Variants in GPHN observed in about 807,000 individuals in gnomAD.
GPHN encodes gephyrin.
GPHN carries 17 observed loss-of-function variants against 95.5 expected under a neutral mutation model. That is an observed-to-expected ratio of 0.18 (90% CI 0.12 to 0.27). The LOEUF is 0.27. Among genes scored for constraint, GPHN ranks in the 10% least tolerant of loss-of-function variants. GPHN has a pLI of 1.00. For synonymous variants in GPHN, 320 were observed against 322.5 expected (o/e 0.99, Z 0.08); for missense variants, 660 against 978.1 (o/e 0.67, Z 4.34).
chr14:66,651,430 C>A (rs2065037950), intron 1 of GPHN, among the ~76,000 whole-genome samples: 1 of 152,104 alleles, frequency 6.6e-6, no homozygotes, highest in Non-Finnish European at 1.5e-5. Flanking sequence ...CCAGGGCTGC[C>A]TTTCTCTCAG....
chr14:67,459,351 A>G, the GPHN span, among the ~76,000 whole-genome samples: 1 of 152,264 alleles, frequency 6.6e-6, no homozygotes, highest in South Asian at 2.1e-4. Flanking sequence ...TTGGTTTTTA[A>G]TGATTCACCC....
chr14:67,382,324 A>G, the GPHN span: 3 of 817,922 alleles, frequency 3.7e-6, no homozygotes, highest in South Asian at 5.6e-5. Context: ...ACTGTCCTGT[A>G]GAATTGGCAA....
At chr14:67,577,967 G>A in the GPHN span, 2 of 1,537,358 alleles carry the variant, frequency 1.3e-6, no homozygotes, top group South Asian at 2.4e-5. Context: ...AAGCCGTTGA[G>A]TTCTCTGAAC....
rs112353422 is a variant in GPHN at position 66,868,970 on chromosome 14, G to A, written c.295-10969G>A. 1.1e-4 allele frequency among the ~76,000 whole-genome samples: 17 copies of A among 152,126 alleles called. 1 individual carries two copies. In the East Asian group the frequency reaches 1.2e-3, roughly 10 times the overall value. ...TTTCATATTGGAAAAATATTTAGAC[G>A]TCAAAGATAAATATTTTATTTAAAA... On this transcript the variant is annotated intron_variant, in intron 4 of 22. Coordinates refer to ENST00000478722, the MANE Select transcript of GPHN (RefSeq NM_020806.5).
intron 18 of GPHN, among the ~76,000 whole-genome samples, chr14:67,152,637 ACTGGGCAG>A (rs1411936928): frequency 2.0e-5 from 3 of 152,302 alleles, no homozygotes; most frequent in African/African-American, 7.2e-5. Flanking sequence ...TTACATCTCC[ACTGGGCAG>A]AATTCATTTG....
the GPHN span, among the ~76,000 whole-genome samples, chr14:67,675,571 G>A: frequency 7.0e-6 from 1 of 142,262 alleles, no homozygotes; most frequent in African/African-American, 2.4e-5. Context: ...TTCTCCTCGT[G>A]GAGACTAATT....
chr14:67,531,023 C>CA, the GPHN span, among the ~76,000 whole-genome samples: 1 of 152,214 alleles, frequency 6.6e-6, no homozygotes, highest in Non-Finnish European at 1.5e-5. Flanking sequence ...AATGCCCTAG[C>CA]ATATCCTTCA....
chr14:66,966,481 T>G (rs2069336768), intron 9 of GPHN, among the ~76,000 whole-genome samples: 1 of 152,080 alleles, frequency 6.6e-6, no homozygotes, highest in South Asian at 2.1e-4. Context: ...TTGTAGACAT[T>G]AAATGTATGC....
chr14:67,729,418 T>G, the GPHN span: 2 of 1,576,642 alleles, frequency 1.3e-6, no homozygotes, highest in South Asian at 1.1e-5. Context: ...ACCACCTGTG[T>G]GCATGGGAGG....
the GPHN span, among the ~76,000 whole-genome samples, chr14:67,725,571 T>C: frequency 2.0e-5 from 3 of 152,206 alleles, no homozygotes; most frequent in African/African-American, 7.2e-5. Flanking sequence ...TGTGTGGCCA[T>C]AGGCATGAGA....
intron 4 of GPHN, among the ~76,000 whole-genome samples, chr14:66,826,440 A>T (rs751184706): frequency 2.6e-5 from 4 of 152,160 alleles, no homozygotes; most frequent in African/African-American, 9.7e-5. Flanking sequence ...ACCAGGAATT[A>T]GTACTAGACT....
At chr14:66,597,369 C>T (rs1413509549) in intron 1 of GPHN, among the ~76,000 whole-genome samples, 1 of 152,190 alleles carries the variant, frequency 6.6e-6, no homozygotes, top group African/African-American at 2.4e-5. Flanking sequence ...TTCACAAGAG[C>T]AAGCTGGGTT....
Position 66,821,535 on chromosome 14 carries a change from C to G in GPHN, c.202-2939C>G, listed in dbSNP as rs567640758. 2.4e-3 allele frequency among the ~76,000 whole-genome samples: 364 copies of G among 152,252 alleles called. 4 individuals are homozygous for G. The highest frequency in any genetic ancestry group is 8.3e-3 in the African/African-American group (343 of 41,550). On this transcript the variant is annotated intron_variant, in intron 3 of 22. Transcript: ENST00000478722. ...AGAGATACTGCCTTATTTATCTTTG[C>G]ATTGCTGTTCTCTAAGGAAGTACCT...
intron 4 of GPHN, among the ~76,000 whole-genome samples, chr14:66,847,867 C>T (rs2062402503): frequency 1.3e-5 from 2 of 151,950 alleles, no homozygotes; most frequent in African/African-American, 4.8e-5. Flanking sequence ...CCCTATTTGC[C>T]CTCCTACCAT....
chr14:66,659,676 T>A (rs1203592401), intron 1 of GPHN, among the ~76,000 whole-genome samples: 1 of 152,152 alleles, frequency 6.6e-6, no homozygotes, highest in Non-Finnish European at 1.5e-5. Context: ...GTATTGTGCC[T>A]CTCTGTCTCT....
chr14:66,698,624 A>T (rs2068281780), intron 2 of GPHN, among the ~76,000 whole-genome samples: 1 of 152,214 alleles, frequency 6.6e-6, no homozygotes. Context: ...ACACAGTCTT[A>T]CTCATTCACC....
intron 2 of GPHN, among the ~76,000 whole-genome samples, chr14:66,742,281 T>TA (rs919286521): frequency 1.4e-3 from 208 of 152,300 alleles, no homozygotes; most frequent in African/African-American, 4.9e-3. Context: ...TGTTAATTGT[T>TA]ACACTATTTT....
chr14:67,478,963 G>A, the GPHN span, among the ~76,000 whole-genome samples: 14 of 152,154 alleles, frequency 9.2e-5, no homozygotes, highest in Non-Finnish European at 1.9e-4. Context: ...ATTCTGCAAA[G>A]GCATGCATAT....
chr14:67,440,287 T>TA, the GPHN span, among the ~76,000 whole-genome samples: 4 of 152,226 alleles, frequency 2.6e-5, no homozygotes, highest in African/African-American at 9.7e-5. Context: ...ACCTCCTTGA[T>TA]ACGGATGTAA....
Sources: gnomAD v4.1 joint callset for allele counts (sites outside exome capture counted in the v4.1 genomes callset) on GRCh38, gnomAD v4.1.1 for gene constraint, MANE v1.5 for transcripts, NCBI Gene and HGNC (gene_info 2026-07-23, HGNC 2026-07-21) for gene names.